The following CDC45 variants were observed in gnomAD, a reference collection of about 807,000 sequenced individuals.
CDC45 encodes cell division control protein 45 homolog.
Under a neutral mutation model 77.8 loss-of-function variants are expected in CDC45, and 54 were observed. The ratio of observed to expected loss-of-function variants is 0.69; its 90% CI spans 0.56 to 0.87. CDC45 has a LOEUF of 0.87. CDC45 is among the 40% of genes least tolerant of loss of function. CDC45 has a pLI of 0.00. For missense variants in CDC45, 649 were observed against 721.6 expected, an observed-to-expected ratio of 0.90 and a Z score of 1.15; for synonymous variants, 260 against 272.1, an observed-to-expected ratio of 0.96 and a Z score of 0.44.
At chr22:19,479,846 C>A, upstream of CDC45, 1 of 957,262 alleles carries the variant, frequency 1.0e-6, no homozygotes, top group Non-Finnish European at 1.7e-6. Context: ...AGGCTGGGAA[C>A]TAAGAAGCTA....
At chr22:19,515,928 G>T (rs983200158) in intron 15 of CDC45, among the ~76,000 whole-genome samples, 1 of 152,220 alleles carries the variant, frequency 6.6e-6, no homozygotes, top group Non-Finnish European at 1.5e-5. Context: ...GCCCATCCTG[G>T]TGCACATCCT....
At chr22:19,503,257 G>A (rs1232151742) in intron 9 of CDC45, among the ~76,000 whole-genome samples, 1 of 152,206 alleles carries the variant, frequency 6.6e-6, no homozygotes, top group Non-Finnish European at 1.5e-5. Context: ...CTATCCTGAT[G>A]AAGATGTACG....
chr22:19,493,799 GA>G (rs1181189899), intron 5 of CDC45, among the ~76,000 whole-genome samples: 1 of 152,288 alleles, frequency 6.6e-6, no homozygotes, highest in Admixed American at 6.5e-5. Flanking sequence ...AATGTATGGG[GA>G]AAAACATATC....
intron 15 of CDC45, among the ~76,000 whole-genome samples, chr22:19,516,248 G>T (rs763377970): frequency 6.6e-6 from 1 of 152,096 alleles, no homozygotes; most frequent in Non-Finnish European, 1.5e-5. Flanking sequence ...GTGGGGCTAG[G>T]CTGGTAGACA....
intron 5 of CDC45, among the ~76,000 whole-genome samples, chr22:19,489,874 G>A (rs1219316106): frequency 1.3e-5 from 2 of 152,194 alleles, no homozygotes; most frequent in East Asian, 3.8e-4. Flanking sequence ...TTCAGAAAGG[G>A]ACATTGAAGA....
intron 5 of CDC45, 133 bp from the exon 6 acceptor site, chr22:19,494,194 G>T (rs374419611): frequency 8.6e-5 from 64 of 745,376 alleles, no homozygotes; most frequent in East Asian, 7.3e-4. Context: ...TGTGCTCGGG[G>T]CACTGGTGTG....
At chr22:19,501,793 C>T (rs1263236015) in intron 9 of CDC45, among the ~76,000 whole-genome samples, 2 of 152,208 alleles carry the variant, frequency 1.3e-5, no homozygotes, top group Admixed American at 6.5e-5. Context: ...TAACTCACTG[C>T]AGCTTTGACC....
rs146234503 is a variant in CDC45, at chr22:19,505,681, T to C, written c.824+200T>C. ...GGCTTCTAAATGCCAGAGCTGAGTT[T>C]GGAAGTATCACCCTTCTCCAGCACA... On this transcript the variant is annotated intron_variant, in intron 10 of 18. Coordinates refer to ENST00000263201, the MANE Select transcript of CDC45 (RefSeq NM_003504.5). 1.6e-3 allele frequency among the ~76,000 whole-genome samples: 238 copies of C among 152,338 alleles called. 1 individual carries two copies. Among genetic ancestry groups the C allele is most frequent in the African/African-American group, 5.6e-3 (231 of 41,570 alleles).
chr22:19,488,774 T>C (rs1454713068), intron 5 of CDC45, among the ~76,000 whole-genome samples: 1 of 152,220 alleles, frequency 6.6e-6, no homozygotes, highest in African/African-American at 2.4e-5. Context: ...GCAAAAAGTT[T>C]CCTCACCAGG....
intron 18 of CDC45, among the ~76,000 whole-genome samples, chr22:19,519,870 G>C (rs1934016932): frequency 6.6e-6 from 1 of 152,194 alleles, no homozygotes; most frequent in Admixed American, 6.5e-5. Flanking sequence ...CTCTGAGTCA[G>C]ACCCTCGGGG....
At chr22:19,496,131 GT>G in intron 7 of CDC45, 102 bp downstream of exon 7, 2 of 829,938 alleles carry the variant, frequency 2.4e-6, no homozygotes, top group South Asian at 2.9e-5. Context: ...CAAAAGCCTG[GT>G]TTGAATCTGA....
intron 10 of CDC45, 42 bp from the exon 11 acceptor site, chr22:19,507,344 G>A: frequency 6.2e-7 from 1 of 1,603,948 alleles, no homozygotes; most frequent in East Asian, 2.2e-5. Context: ...AGTGCTCAGG[G>A]CGGCCAGTGG....
chr22:19,518,243 G>A (rs200363986), intron 17 of CDC45, among the ~76,000 whole-genome samples: 29 of 152,312 alleles, frequency 1.9e-4, no homozygotes, highest in African/African-American at 7.0e-4. Flanking sequence ...TGCAGAGTGG[G>A]CCATGTCTAG....
chr22:19,495,761 G>A (rs191618242), intron 6 of CDC45, among the ~76,000 whole-genome samples: 4 of 152,318 alleles, frequency 2.6e-5, no homozygotes, highest in Non-Finnish European at 5.9e-5. Flanking sequence ...TGTCAAGGCT[G>A]CAGTGAGCTG....
intron 15 of CDC45, among the ~76,000 whole-genome samples, chr22:19,515,345 G>T (rs1933726922): frequency 6.6e-6 from 1 of 152,186 alleles, no homozygotes; most frequent in South Asian, 2.1e-4. Context: ...CAGGGAAAGC[G>T]GGATGGTTGT....
chr22:19,517,318 C>T (rs980377652), intron 17 of CDC45, among the ~76,000 whole-genome samples: 2 of 152,150 alleles, frequency 1.3e-5, no homozygotes, highest in African/African-American at 4.8e-5. Flanking sequence ...CTCCACAGGC[C>T]GGGGTGTGTG....
At position 19,507,398 on chromosome 22, in the gene CDC45, G is replaced by T. The variant is rs1211865053; in HGVS notation, c.837G>T (p.Val279=). 6.2e-7 allele frequency: 1 copy of T among 1,614,038 alleles called. No individual in the cohort carries two copies. The highest frequency in any genetic ancestry group is 1.7e-5 in the Admixed American group (1 of 60,024). ...RISFEYDLRL[V]LYQHWSLHDS... is the part of the protein sequence containing the mutation. ...ACTGCAGGCCCAGCCTCCGCCTGGTGCTCTACCAGCACTGGTCCCTCCATG... is the reference window on the plus strand; with the variant it reads ...ACTGCAGGCCCAGCCTCCGCCTGGTTCTCTACCAGCACTGGTCCCTCCATG... Residue 279 remains valine, a synonymous_variant, in exon 11 of 19, where the codon GTG becomes GTT. Coordinates refer to ENST00000263201, the MANE Select transcript of CDC45 (RefSeq NM_003504.5).
At chr22:19,518,286 C>T (rs922681973) in intron 17 of CDC45, among the ~76,000 whole-genome samples, 3 of 152,272 alleles carry the variant, frequency 2.0e-5, no homozygotes, top group Middle Eastern at 3.4e-3. Flanking sequence ...CTGGGGCTCT[C>T]GGGGCTGTGG....
chr22:19,494,540 G>C, intron 6 of CDC45, 158 bp downstream of exon 6: 1 of 1,551,130 alleles, frequency 6.4e-7, no homozygotes, highest in East Asian at 2.4e-5. Flanking sequence ...CCGCTGCATT[G>C]GAGAAGAGCT....
Sources: gnomAD v4.1 joint callset for allele counts (sites outside exome capture counted in the v4.1 genomes callset) on GRCh38, gnomAD v4.1.1 for gene constraint, MANE v1.5 for transcripts, NCBI Gene and HGNC (gene_info 2026-07-23, HGNC 2026-07-21) for gene names.